The following CLGN variants were observed in gnomAD, a reference collection of about 807,000 sequenced individuals.
The protein encoded by CLGN is testis tissue sperm-binding protein Li 79P.
CLGN carries 62 observed loss-of-function variants against 79.1 expected under a neutral mutation model. The observed-to-expected ratio is 0.78, with a 90% CI of 0.64 to 0.97. The LOEUF (loss-of-function observed/expected upper bound fraction) is 0.97, where lower values mean the gene tolerates loss of function less well. CLGN is among the 50% of genes least tolerant of loss of function. The pLI is 0.00. For synonymous variants in CLGN, 225 were observed against 224.7 expected (o/e 1.00, Z -0.01); for missense variants, 647 against 715.5 (o/e 0.90, Z 1.09).
At chr4:140,399,774 T>C (rs1212277175) in intron 7 of CLGN, among the ~76,000 whole-genome samples, 2 of 152,194 alleles carry the variant, frequency 1.3e-5, no homozygotes, top group Non-Finnish European at 2.9e-5. Flanking sequence ...CTGCTTATGA[T>C]GTCCCTCACC....
At chr4:140,418,158 G>A (rs1578608009) in intron 1 of CLGN, among the ~76,000 whole-genome samples, 2 of 151,966 alleles carry the variant, frequency 1.3e-5, no homozygotes, top group East Asian at 3.9e-4. Context: ...TATGTAGAAA[G>A]CTGAAACTGG....
intron 1 of CLGN, among the ~76,000 whole-genome samples, chr4:140,414,137 G>A (rs1315457901): frequency 1.3e-5 from 2 of 152,192 alleles, no homozygotes; most frequent in Admixed American, 1.3e-4. Flanking sequence ...GCAGTTGAGG[G>A]TCCTGTCTGT....
intron 2 of CLGN, among the ~76,000 whole-genome samples, chr4:140,411,956 T>C (rs1578603719): frequency 6.6e-6 from 1 of 152,248 alleles, no homozygotes; most frequent in South Asian, 2.1e-4. Flanking sequence ...CTTCCTATCA[T>C]ATTCTCAAAG....
intron 14 of CLGN, 80 bp downstream of exon 14, chr4:140,390,548 A>C: frequency 2.2e-6 from 2 of 904,742 alleles, no homozygotes; most frequent in Non-Finnish European, 3.2e-6. Flanking sequence ...AAATTCTTTC[A>C]TAAATCATAT....
At chr4:140,408,860 C>CATATATATATATAT (rs112593782) in intron 4 of CLGN, among the ~76,000 whole-genome samples, 5 of 138,398 alleles carry the variant, frequency 3.6e-5, no homozygotes, top group African/African-American at 7.8e-5. Context: ...AGTTGATAAG[C>CATATATATATATAT]ATATATATAT....
chr4:140,391,752 T>C (rs1263215672), intron 13 of CLGN, among the ~76,000 whole-genome samples: 2 of 151,912 alleles, frequency 1.3e-5, no homozygotes, highest in Non-Finnish European at 2.9e-5. Flanking sequence ...CAGCAATCCT[T>C]TCAGAAAATT....
intron 5 of CLGN, among the ~76,000 whole-genome samples, chr4:140,402,648 T>C (rs542021199): frequency 1.3e-5 from 2 of 152,104 alleles, no homozygotes; most frequent in Non-Finnish European, 2.9e-5. Context: ...CTGTTTAGTA[T>C]AACAGCTAAA....
At chr4:140,404,836 T>C (rs1305955171) in intron 5 of CLGN, among the ~76,000 whole-genome samples, 1 of 151,822 alleles carries the variant, frequency 6.6e-6, no homozygotes, top group African/African-American at 2.4e-5. Context: ...TAAAATTTTT[T>C]TGTAGAGTCG....
At chr4:140,390,782 C>A in intron 13 of CLGN, 54 bp from the exon 14 acceptor site, 1 of 1,214,046 alleles carries the variant, frequency 8.2e-7, no homozygotes, top group East Asian at 2.5e-5. Flanking sequence ...AATTTTGCTA[C>A]TGAAAAGTAT....
intron 8 of CLGN, 58 bp from the exon 9 acceptor site, chr4:140,396,263 C>T (rs1728872657): frequency 1.5e-6 from 2 of 1,299,436 alleles, no homozygotes; most frequent in Non-Finnish European, 1.1e-6. Context: ...ATGCATGTTA[C>T]AACACTAAGA....
At chr4:140,405,161 G>C (rs1729075954) in intron 5 of CLGN, among the ~76,000 whole-genome samples, 1 of 140,060 alleles carries the variant, frequency 7.1e-6, no homozygotes, top group Admixed American at 7.5e-5. Context: ...TTGATAACAA[G>C]TAATTTTTTT....
chr4:140,418,123 T>C (rs1355575707), intron 1 of CLGN, among the ~76,000 whole-genome samples: 1 of 151,414 alleles, frequency 6.6e-6, no homozygotes, highest in African/African-American at 2.4e-5. Flanking sequence ...ATTTAATAAA[T>C]GGTGCTGGGA....
chr4:140,412,053 C>CAGTTA (rs1296957987), intron 2 of CLGN, among the ~76,000 whole-genome samples: 1 of 151,986 alleles, frequency 6.6e-6, no homozygotes, highest in Admixed American at 6.6e-5. Context: ...GTAACTGTAT[C>CAGTTA]CAAGTCAGTA....
In CLGN at chr4:140,400,350, G is replaced by T. The variant is rs1032109172; in HGVS notation, c.694+7C>A. 6.4e-7 allele frequency: 1 copy of T among 1,563,888 alleles called. No homozygotes were observed. The highest frequency in any genetic ancestry group is 8.8e-7 in the Non-Finnish European group (1 of 1,142,510). ...TTTGAATACATGAATGAATTAAAAG[G>T]GTATACCAAGGGTATAAAGATGAGT... On this transcript the variant is annotated splice_region_variant and intron_variant, in intron 7 of 14. Transcript: ENST00000325617.
chr4:140,395,969 C>A lies in CLGN; in HGVS notation c.999G>T (p.Trp333Cys). ...PDPNAEKPDD[W>C]NEDTDGEWEA... is the part of the protein sequence containing the mutation. ...CCCATTCTCCATCCGTGTCTTCATT[C>A]CTTAGGATATTAAAACAAAGCAAAT... The change falls in exon 10 of 15, where the codon TGG becomes TGT. Residue 333 changes from tryptophan (W) to cysteine (C), a missense_variant and splice_region_variant. Physicochemically the swap from Trp to Cys is radical, Grantham distance 215 (BLOSUM62 -2). Transcript: ENST00000325617. 6.3e-7 allele frequency: 1 copy of A among 1,597,896 alleles called. No homozygotes were observed. Among genetic ancestry groups the A allele is most frequent in the Non-Finnish European group, 8.5e-7 (1 of 1,173,788 alleles).
At chr4:140,391,188 G>A (rs776095029) in intron 13 of CLGN, among the ~76,000 whole-genome samples, 3 of 151,534 alleles carry the variant, frequency 2.0e-5, no homozygotes, top group Admixed American at 6.6e-5. Context: ...TATTAAGCAC[G>A]TCCTAGGAGC....
chr4:140,422,103 ATTAC>A (rs1399121745), intron 1 of CLGN, among the ~76,000 whole-genome samples: 1 of 152,170 alleles, frequency 6.6e-6, no homozygotes, highest in Non-Finnish European at 1.5e-5. Flanking sequence ...GTGGGAATTT[ATTAC>A]TAGGCTCTTT....
chr4:140,399,904 G>C (rs1490609947), intron 7 of CLGN, among the ~76,000 whole-genome samples: 2 of 152,120 alleles, frequency 1.3e-5, no homozygotes, highest in Non-Finnish European at 2.9e-5. Flanking sequence ...AATCACAACT[G>C]CCTACAGAAT....
rs1407121749 is a variant in CLGN at position 140,399,053 on chromosome 4, T to G, written c.695-13A>C. ...TCTGGATTCATCACTAAGGGACCAA[T>G]TTAAATAAATTATAGTTATCATTTT... On this transcript the variant is annotated splice_polypyrimidine_tract_variant and intron_variant, in intron 7 of 14. Coordinates refer to ENST00000325617, the MANE Select transcript of CLGN (RefSeq NM_004362.3). The G allele has an allele frequency of 6.3e-6, 10 of 1,578,008 alleles. No individual in the cohort carries two copies. The highest frequency in any genetic ancestry group is 8.6e-6 in the Non-Finnish European group (10 of 1,163,286).
Sources: gnomAD v4.1 joint callset for allele counts (sites outside exome capture counted in the v4.1 genomes callset) on GRCh38, gnomAD v4.1.1 for gene constraint, MANE v1.5 for transcripts, NCBI Gene and HGNC (gene_info 2026-07-23, HGNC 2026-07-21) for gene names.